BLK: variants seen among roughly 807,000 people sequenced by gnomAD.
BLK encodes tyrosine-protein kinase Blk.
BLK carries 64 observed loss-of-function variants against 61.8 expected under a neutral mutation model. The observed-to-expected ratio is 1.03, with a 90% CI of 0.85 to 1.27. BLK has a LOEUF of 1.27. Among genes scored for constraint, BLK ranks in the 50% most tolerant of loss-of-function variants. The pLI, the probability that BLK is intolerant of heterozygous loss-of-function variation, is 0.00. For missense variants in BLK, 853 were observed against 660.5 expected (o/e 1.29, Z -3.19); for synonymous variants, 351 against 272.0 (o/e 1.29, Z -2.86).
At chr8:11,503,728 A>G (rs1270888341) in intron 1 of BLK, among the ~76,000 whole-genome samples, 1 of 152,148 alleles carries the variant, frequency 6.6e-6, no homozygotes, top group East Asian at 1.9e-4. Context: ...TCCTATGTGC[A>G]GGTGTGGAGG....
chr8:11,543,517 G>C (rs376386260), intron 2 of BLK, among the ~76,000 whole-genome samples, 170 bp downstream of exon 2: 2 of 152,202 alleles, frequency 1.3e-5, no homozygotes, highest in Non-Finnish European at 2.9e-5. Flanking sequence ...ACCCGGCCTG[G>C]TTAGCTCCCA....
chr8:11,553,649 TG>T, intron 6 of BLK: 1 of 177,032 alleles, frequency 5.6e-6, no homozygotes, highest in Non-Finnish European at 1.2e-5. Flanking sequence ...CCTTAGAGAC[TG>T]GGGGCACAGC....
At chr8:11,543,447 T>A in intron 2 of BLK, 100 bp downstream of exon 2, 2 of 1,504,482 alleles carry the variant, frequency 1.3e-6, no homozygotes, top group Non-Finnish European at 1.8e-6. Flanking sequence ...GCCTTCCTGA[T>A]AGGGATGTAA....
At chr8:11,510,145 TG>T (rs1311629229) in intron 1 of BLK, among the ~76,000 whole-genome samples, 1 of 152,244 alleles carries the variant, frequency 6.6e-6, no homozygotes, top group East Asian at 1.9e-4. Context: ...ATCGTGGAGC[TG>T]GAGAGTGTTC....
Position 11,500,344 on chromosome 8 carries a change from C to T in BLK, c.-2+5753C>T, listed in dbSNP as rs575916609. Among the ~76,000 whole-genome samples, 24 of 152,016 alleles carry T rather than the reference C, an allele frequency of 1.6e-4. 1 individual carries two copies. In the South Asian group the frequency reaches 4.2e-3, roughly 26 times the overall value. ...GAGTAGCTAGGACTACAGGTGTGCA[C>T]CACCACGCCCTGCTAATTTTTGTAT... On this transcript the variant is annotated intron_variant, in intron 1 of 12. Coordinates refer to ENST00000259089, the MANE Select transcript of BLK (RefSeq NM_001715.3).
At chr8:11,538,687 C>A (rs774074071) in intron 1 of BLK, among the ~76,000 whole-genome samples, 2 of 152,102 alleles carry the variant, frequency 1.3e-5, no homozygotes, top group African/African-American at 2.4e-5. Context: ...TGGGCAGATG[C>A]GGAAGTATGA....
chr8:11,516,146 A>C (rs999868792), intron 1 of BLK, among the ~76,000 whole-genome samples: 1 of 152,240 alleles, frequency 6.6e-6, no homozygotes, highest in Non-Finnish European at 1.5e-5. Context: ...TGACGCTAAG[A>C]GGAGAGAGTC....
intron 1 of BLK, among the ~76,000 whole-genome samples, chr8:11,529,582 G>T (rs551082201): frequency 9.2e-5 from 14 of 152,290 alleles, no homozygotes; most frequent in Non-Finnish European, 1.6e-4. Flanking sequence ...GCCTCCAGCT[G>T]CATGACTCCT....
chr8:11,510,735 C>T lies in BLK; in HGVS notation c.-2+16144C>T, dbSNP rs61142806. ...AGGGAATATATTATCCCCGGGATAG[C>T]GCCACTGTACTCCAGCCAGGATGAC... On this transcript the variant is annotated intron_variant, in intron 1 of 12. Coordinates refer to ENST00000259089, the MANE Select transcript of BLK (RefSeq NM_001715.3). Among the ~76,000 whole-genome samples, 894 of 151,690 alleles carry T rather than the reference C, an allele frequency of 5.9e-3. 6 individuals carry two copies. The highest frequency in any genetic ancestry group is 0.019 in the African/African-American group (796 of 41,346).
intron 1 of BLK, among the ~76,000 whole-genome samples, chr8:11,532,463 G>A (rs1431545349): frequency 6.6e-6 from 1 of 150,798 alleles, no homozygotes; most frequent in African/African-American, 2.4e-5. Context: ...CTCCTGCCTT[G>A]GCCTCCTAAA....
chr8:11,516,890 T>C (rs1185853301), intron 1 of BLK, among the ~76,000 whole-genome samples: 1 of 152,256 alleles, frequency 6.6e-6, no homozygotes, highest in Non-Finnish European at 1.5e-5. Context: ...GACACAAGTG[T>C]ACAAATACCT....
chr8:11,550,089 G>T, intron 5 of BLK, 70 bp from the exon 6 acceptor site: 3 of 1,360,492 alleles, frequency 2.2e-6, no homozygotes, highest in South Asian at 1.2e-5. Context: ...CAGTGCAGGA[G>T]GGAGGCTGTG....
intron 10 of BLK, among the ~76,000 whole-genome samples, chr8:11,559,480 C>T (rs1170061883): frequency 6.6e-6 from 1 of 150,592 alleles, no homozygotes; most frequent in Non-Finnish European, 1.5e-5. Flanking sequence ...CACAAACTCA[C>T]ACAAACACAT....
At chr8:11,553,934 G>C (rs559195202) in intron 6 of BLK, among the ~76,000 whole-genome samples, 1 of 152,252 alleles carries the variant, frequency 6.6e-6, no homozygotes, top group East Asian at 1.9e-4. Flanking sequence ...GACCCCTGGC[G>C]GGGAGGCGTG....
intron 6 of BLK, 66 bp from the exon 7 acceptor site, chr8:11,554,677 C>T: frequency 6.3e-7 from 1 of 1,591,494 alleles, no homozygotes; most frequent in Non-Finnish European, 8.6e-7. Context: ...AAATGAGGCC[C>T]AAATCCCAGT....
At chr8:11,504,590 C>T (rs1240012569) in intron 1 of BLK, among the ~76,000 whole-genome samples, 3 of 152,150 alleles carry the variant, frequency 2.0e-5, no homozygotes, top group African/African-American at 7.2e-5. Flanking sequence ...TTTTATCAGT[C>T]TTCGTAGCTA....
chr8:11,549,760 CA>C (rs1162626698), intron 5 of BLK, among the ~76,000 whole-genome samples: 11 of 152,208 alleles, frequency 7.2e-5, no homozygotes, highest in African/African-American at 2.7e-4. Context: ...CCGAAGGGGA[CA>C]TACTGGGGTC....
chr8:11,521,686 C>T (rs1799455914), intron 1 of BLK, among the ~76,000 whole-genome samples: 1 of 152,202 alleles, frequency 6.6e-6, no homozygotes, highest in African/African-American at 2.4e-5. Flanking sequence ...TTCTCAGCCT[C>T]ATTTATCGAG....
intron 1 of BLK, among the ~76,000 whole-genome samples, chr8:11,521,949 G>T (rs189984527): frequency 1.3e-5 from 2 of 152,220 alleles, no homozygotes; most frequent in East Asian, 1.9e-4. Flanking sequence ...AGCTTGTAAA[G>T]TTCCTCAAAA....
Sources: gnomAD v4.1 joint callset for allele counts (sites outside exome capture counted in the v4.1 genomes callset) on GRCh38, gnomAD v4.1.1 for gene constraint, MANE v1.5 for transcripts, NCBI Gene and HGNC (gene_info 2026-07-23, HGNC 2026-07-21) for gene names.